USO1: variants seen among roughly 807,000 people sequenced by gnomAD.
USO1 encodes general vesicular transport factor p115.
A neutral mutation model predicts 124.5 loss-of-function variants in USO1; 57 were observed. The ratio of observed to expected loss-of-function variants is 0.46; its 90% confidence interval spans 0.37 to 0.57. The LOEUF is 0.57. Among genes scored for constraint, USO1 ranks in the 20% least tolerant of loss-of-function variants. The probability of loss-of-function intolerance (pLI) is 0.00; values close to 1 mark genes in which losing one functional copy is unlikely to be tolerated. For missense variants in USO1, 900 were observed against 1,040.6 expected (o/e 0.86, Z 1.86); for synonymous variants, 369 against 362.8 (o/e 1.02, Z -0.19).
In USO1 at chr4:75,804,274, T is replaced by C; in HGVS notation, c.2125+2T>C. Reference sequence around the variant, plus strand: ...ATAATCTTCTTAAAATACAGCTAGGTAAGCATAGCTAAGCCATCACTATGA... The same window carrying C: ...ATAATCTTCTTAAAATACAGCTAGGCAAGCATAGCTAAGCCATCACTATGA... On this transcript the variant is annotated splice_donor_variant, in intron 18 of 23. Transcript: ENST00000514213. LOFTEE classifies it high-confidence loss of function. 2.5e-6 allele frequency: 4 copies of C among 1,608,340 alleles called. No individual in the cohort carries two copies. The highest frequency in any genetic ancestry group is 2.5e-6 in the Non-Finnish European group (3 of 1,177,362).
At chr4:75,765,531 C>T (rs996322795) in intron 4 of USO1, among the ~76,000 whole-genome samples, 1 of 152,114 alleles carries the variant, frequency 6.6e-6, no homozygotes, top group African/African-American at 2.4e-5. Context: ...TCCCAAGTTC[C>T]CATTATCTTT....
chr4:75,749,126 T>C (rs1420173359), intron 1 of USO1, among the ~76,000 whole-genome samples: 2 of 152,246 alleles, frequency 1.3e-5, no homozygotes, highest in East Asian at 3.9e-4. Flanking sequence ...ATCTGCTATA[T>C]GAAGAAATGC....
chr4:75,771,745 C>T (rs226416), intron 7 of USO1, among the ~76,000 whole-genome samples: 137,653 of 152,296 alleles, frequency 0.9, 62,372 homozygotes, highest in African/African-American at 0.98. Context: ...TTTTCCATTC[C>T]GATTTATTTT....
At chr4:75,744,240 T>G (rs1721057440) in intron 1 of USO1, among the ~76,000 whole-genome samples, 1 of 152,196 alleles carries the variant, frequency 6.6e-6, no homozygotes, top group Non-Finnish European at 1.5e-5. Context: ...ACTCTAGTAT[T>G]TGTTGAACAA....
chr4:75,754,085 C>G lies in USO1; in HGVS notation c.218+1481C>G, dbSNP rs567499444. ...TACAGGCGTGAGCCACCGCGCCCAG[C>G]CTTTTTTTTTTTTTCAGATAGAGTT... On this transcript the variant is annotated intron_variant, in intron 3 of 23. Coordinates refer to ENST00000514213, the MANE Select transcript of USO1 (RefSeq NM_003715.4). 1.3e-4 allele frequency among the ~76,000 whole-genome samples: 19 copies of G among 144,182 alleles called. No individual in the cohort carries two copies. The East Asian group carries it at 3.8e-3, about 29-fold the overall frequency. The allele number at this position is 144,182 out of a possible 152,430, so 94.6% of individuals were successfully genotyped here.
intron 13 of USO1, among the ~76,000 whole-genome samples, chr4:75,798,079 G>A (rs1722741060): frequency 6.6e-6 from 1 of 151,992 alleles, no homozygotes; most frequent in Non-Finnish European, 1.5e-5. Flanking sequence ...ATTTTGATTA[G>A]GTTCACTCCT....
chr4:75,751,448 G>T (rs898147308), intron 1 of USO1, among the ~76,000 whole-genome samples: 1 of 148,848 alleles, frequency 6.7e-6, no homozygotes, highest in Non-Finnish European at 1.5e-5. Context: ...CTGACTTCAG[G>T]TGATCCACCC....
At chr4:75,784,408 A>C (rs1456899786) in intron 9 of USO1, among the ~76,000 whole-genome samples, 1 of 152,226 alleles carries the variant, frequency 6.6e-6, no homozygotes, top group Non-Finnish European at 1.5e-5. Context: ...TGATATAAAA[A>C]AGCATGTATT....
intron 17 of USO1, among the ~76,000 whole-genome samples, chr4:75,803,454 C>T (rs1722910493): frequency 6.6e-6 from 1 of 151,858 alleles, no homozygotes; most frequent in South Asian, 2.1e-4. Flanking sequence ...TTGAGACCAG[C>T]CTGGCCAACA....
chr4:75,781,272 A>G (rs925299782), intron 8 of USO1, among the ~76,000 whole-genome samples: 2 of 152,154 alleles, frequency 1.3e-5, no homozygotes, highest in African/African-American at 2.4e-5. Flanking sequence ...AATTTTTGCA[A>G]TCTCATGATC....
In USO1 at chr4:75,805,243, ACGTAATCAG is replaced by A; in HGVS notation, c.2230_2238del (p.Arg744_Gln746del). 1 of 1,612,754 alleles carries A rather than the reference ACGTAATCAG, an allele frequency of 6.2e-7. No homozygotes were observed. The highest frequency in any genetic ancestry group is 8.5e-7 in the Non-Finnish European group (1 of 1,179,310). On this transcript the variant is annotated inframe_deletion, in exon 19 of 24. Coordinates refer to ENST00000514213, the MANE Select transcript of USO1 (RefSeq NM_003715.4). ...TGCGAGAAGAGATAGAAGAATTAAA[ACGTAATCAG>A]GAACTTTTACAAAGCCAGCTGACTG...
At chr4:75,750,930 A>G (rs911904174) in intron 1 of USO1, among the ~76,000 whole-genome samples, 18,875 of 152,136 alleles carry the variant, frequency 0.12, 1,847 homozygotes, top group African/African-American at 0.27. Context: ...ACAGTCTGAT[A>G]CTTTTGCTTT....
intron 1 of USO1, among the ~76,000 whole-genome samples, chr4:75,725,211 C>T (rs1720381204): frequency 6.6e-6 from 1 of 152,216 alleles, no homozygotes; most frequent in African/African-American, 2.4e-5. Context: ...CCCGAACTGC[C>T]TCCCACGCCC....
intron 3 of USO1, 43 bp from the exon 4 acceptor site, chr4:75,757,454 C>A: frequency 1.4e-6 from 2 of 1,403,712 alleles, no homozygotes; most frequent in Non-Finnish European, 1.9e-6. Flanking sequence ...ACAGTTTATA[C>A]TCTCATCAGC....
chr4:75,755,498 T>C (rs1184405402), intron 3 of USO1: 2 of 519,990 alleles, frequency 3.8e-6, no homozygotes, highest in Non-Finnish European at 7.7e-6. Context: ...ATACAAGCTT[T>C]TTAAAGATCT....
intron 21 of USO1, among the ~76,000 whole-genome samples, chr4:75,809,509 G>C (rs566946188): frequency 1.1e-4 from 16 of 152,124 alleles, no homozygotes; most frequent in Admixed American, 2.6e-4. Flanking sequence ...GAGAAACCAG[G>C]CTGCACTCCA....
Position 75,805,175 on chromosome 4 carries a change from G to A in USO1, c.2161G>A (p.Gly721Arg), listed in dbSNP as rs1722957753. 1 of 1,609,380 alleles carries A rather than the reference G, an allele frequency of 6.2e-7. No homozygotes were observed. The highest frequency in any genetic ancestry group is 1.7e-5 in the Admixed American group (1 of 59,312). Reference protein sequence around the residue: ...DNQHQGSYSEGAQMNGIQPEE... With the variant: ...DNQHQGSYSERAQMNGIQPEE... Reference sequence around the variant, plus strand: ...TCAGCATCAAGGTTCTTACAGTGAGGGGGCTCAGATGAATGGCATTCAGCC... The same window carrying A: ...TCAGCATCAAGGTTCTTACAGTGAGAGGGCTCAGATGAATGGCATTCAGCC... The change falls in exon 19 of 24, where the codon GGG becomes AGG. Residue 721 changes from glycine (G) to arginine (R), a missense_variant. Gly to Arg is a moderately radical substitution (Grantham distance 125). Around this residue, in one of 2 missense-constraint regions of USO1, gnomAD observed 362 missense variants for 359.0 expected, o/e 1.01. Coordinates refer to ENST00000514213, the MANE Select transcript of USO1 (RefSeq NM_003715.4).
chr4:75,778,266 G>A (rs1401068860), intron 8 of USO1, among the ~76,000 whole-genome samples: 3 of 152,190 alleles, frequency 2.0e-5, no homozygotes, highest in East Asian at 1.9e-4. Context: ...AATACATTTT[G>A]TACGTTGTAT....
intron 4 of USO1, among the ~76,000 whole-genome samples, chr4:75,765,768 C>A (rs1378001712): frequency 1.3e-5 from 2 of 151,828 alleles, no homozygotes; most frequent in African/African-American, 4.8e-5. Context: ...CACAAAGGAA[C>A]AACAGGAAAT....
Sources: gnomAD v4.1 joint callset for allele counts (sites outside exome capture counted in the v4.1 genomes callset) on GRCh38, gnomAD v4.1.1 for gene constraint, gnomAD v4.1.1 regional missense constraint, MANE v1.5 for transcripts, NCBI Gene and HGNC (gene_info 2026-07-23, HGNC 2026-07-21) for gene names.